The following LPP variants were observed in gnomAD, a reference collection of about 807,000 sequenced individuals.
LPP encodes LIM domain containing preferred translocation partner in lipoma, also known as lipoma-preferred partner.
In LPP, 38 loss-of-function variants were observed where a neutral mutation model predicts 60.4. That is an observed-to-expected ratio of 0.63 (90% confidence interval 0.49 to 0.83). LPP has a LOEUF of 0.83. LPP is among the 40% of genes least tolerant of loss of function. LPP has a pLI of 0.00. For synonymous variants in LPP, 328 were observed against 290.8 expected (o/e 1.13, Z -1.30); for missense variants, 902 against 783.6 (o/e 1.15, Z -1.80).
chr3:188,203,578 A>AT (rs1732188298), intron 1 of LPP, among the ~76,000 whole-genome samples: 1 of 96,204 alleles, frequency 1.0e-5, no homozygotes, highest in Non-Finnish European at 2.0e-5. Context: ...TATATATTTA[A>AT]ATATATATAT....
chr3:188,825,267 CTCTGTG>C lies in LPP; in HGVS notation c.1411-40931_1411-40926del, dbSNP rs1276427981. Among the ~76,000 whole-genome samples, 176 of 98,968 alleles carry C rather than the reference CTCTGTG, an allele frequency of 1.8e-3. 1 individual carries two copies. The highest frequency in any genetic ancestry group is 6.2e-3 in the South Asian group (12 of 1,936). The allele number at this position is 98,968 out of a possible 152,430, so 64.9% of individuals were successfully genotyped here. On this transcript the variant is annotated intron_variant, in intron 9 of 11. Coordinates refer to ENST00000617246, the MANE Select transcript of LPP (RefSeq NM_001375462.1). ...TTTCTTTCTCTCTCTCTCTCTCTCT[CTCTGTG>C]TGTGTGTGTGTGTGTGTGTGTGTGT...
intron 9 of LPP, among the ~76,000 whole-genome samples, chr3:188,811,351 TACACACACACACAC>T (rs58445393): frequency 1.4e-5 from 2 of 144,882 alleles, no homozygotes; most frequent in African/African-American, 2.5e-5. Flanking sequence ...AAGTGCTGTA[TACACACACACACAC>T]ACACACACAC....
chr3:188,449,872 T>A (rs2149339091), intron 4 of LPP, among the ~76,000 whole-genome samples: 1 of 152,310 alleles, frequency 6.6e-6, no homozygotes, highest in Non-Finnish European at 1.5e-5. Context: ...TGGCACAATC[T>A]CAGCTCACTG....
rs373672653 is a variant in LPP, at chr3:188,689,165, G to C, written c.1114-19102G>C. Among the ~76,000 whole-genome samples the C allele has an allele frequency of 9.8e-5, 15 of 152,298 alleles. 1 individual carries two copies. Among genetic ancestry groups the C allele is most frequent in the East Asian group, 3.9e-4 (2 of 5,176 alleles). On this transcript the variant is annotated intron_variant, in intron 7 of 11. Transcript: ENST00000617246. ...TGCAGCCTCAGTGTTGGGAGGATTT[G>C]AGCCTGGGGTCGGCCTGGCACCCAG... is the stretch of plus-strand genomic sequence containing the variant.
At chr3:188,672,005 T>C (rs957764110) in intron 7 of LPP, among the ~76,000 whole-genome samples, 2 of 152,234 alleles carry the variant, frequency 1.3e-5, no homozygotes, top group Admixed American at 1.3e-4. Flanking sequence ...AAAAGACATA[T>C]AGCAATCATT....
chr3:188,700,638 G>A lies in LPP; in HGVS notation c.1114-7629G>A, dbSNP rs540187852. Reference sequence around the variant, plus strand: ...ATTTCATGCCCCAAGTGTAGTGAAAGTTCAGTAGGCTGCAGAAACCCTGTG... The same window carrying A: ...ATTTCATGCCCCAAGTGTAGTGAAAATTCAGTAGGCTGCAGAAACCCTGTG... On this transcript the variant is annotated intron_variant, in intron 7 of 11. Transcript: ENST00000617246. Among the ~76,000 whole-genome samples the A allele has an allele frequency of 5.9e-5, 9 of 152,286 alleles. No individual in the cohort carries two copies. In the East Asian group the frequency reaches 1.7e-3, roughly 29 times the overall value.
chr3:188,267,303 C>A (rs759375894), intron 2 of LPP, among the ~76,000 whole-genome samples: 1 of 152,168 alleles, frequency 6.6e-6, no homozygotes, highest in Non-Finnish European at 1.5e-5. Flanking sequence ...TTGTTTCTTA[C>A]TAGCCCCTCA....
intron 7 of LPP, among the ~76,000 whole-genome samples, chr3:188,681,626 T>C (rs1859538266): frequency 1.3e-5 from 2 of 152,094 alleles, no homozygotes; most frequent in South Asian, 2.1e-4. Context: ...TCTCAAAGTA[T>C]GCTCTTAACT....
chr3:188,426,711 CTTCT>C (rs1450743628), intron 4 of LPP, among the ~76,000 whole-genome samples: 4 of 151,936 alleles, frequency 2.6e-5, no homozygotes, highest in African/African-American at 4.8e-5. Flanking sequence ...ATATAATGGC[CTTCT>C]TTGTCTTTTT....
Position 188,888,749 on chromosome 3 carries a change from T to G in LPP, c.*14270T>G. 1 of 220,818 alleles carries G rather than the reference T, an allele frequency of 4.5e-6. No individual in the cohort carries two copies. 13.7% of individuals were successfully genotyped at this position (220,818 alleles called of 1,614,324 possible). A position where few individuals can be genotyped will look rare whatever the true frequency, so the allele number is the denominator to read the frequency against. On this transcript the variant is annotated 3_prime_UTR_variant, in exon 12 of 12. Coordinates refer to ENST00000617246, the MANE Select transcript of LPP (RefSeq NM_001375462.1). ...GAGTAGGTGCTGAGATAAGGAAACT[T>G]TGCCAAATGAAAGAAAGTCACTCAC...
intron 2 of LPP, among the ~76,000 whole-genome samples, chr3:188,310,587 T>A (rs2150259490): frequency 6.6e-6 from 1 of 152,300 alleles, no homozygotes; most frequent in South Asian, 2.1e-4. Context: ...GTCAATAGAT[T>A]TGAGTTTTCA....
At chr3:188,823,808 C>A (rs535075462) in intron 9 of LPP, among the ~76,000 whole-genome samples, 30 of 152,116 alleles carry the variant, frequency 2.0e-4, no homozygotes, top group African/African-American at 6.5e-4. Context: ...AAAGTGTATA[C>A]GTTTCTTAAT....
At chr3:188,344,505 TTCA>T (rs1452853092) in intron 3 of LPP, among the ~76,000 whole-genome samples, 1 of 152,130 alleles carries the variant, frequency 6.6e-6, no homozygotes, top group Admixed American at 6.5e-5. Flanking sequence ...TGAGGTCTGT[TTCA>T]TCATCTAATG....
At chr3:188,215,959 A>G (rs967359835) in intron 1 of LPP, among the ~76,000 whole-genome samples, 1 of 152,180 alleles carries the variant, frequency 6.6e-6, no homozygotes, top group Non-Finnish European at 1.5e-5. Context: ...TTTCTTTTGT[A>G]TTGGGCTCTA....
At chr3:188,757,863 AT>A (rs1048726046) in intron 8 of LPP, among the ~76,000 whole-genome samples, 1 of 92,170 alleles carries the variant, frequency 1.1e-5, no homozygotes, top group Non-Finnish European at 2.4e-5. Flanking sequence ...AACATAGCAC[AT>A]TTTTTTTGTG....
chr3:188,631,043 T>C (rs1580532786), intron 7 of LPP, among the ~76,000 whole-genome samples: 1 of 151,834 alleles, frequency 6.6e-6, no homozygotes, highest in African/African-American at 2.4e-5. Context: ...AGGAGAAGGG[T>C]GAGGGTCGAA....
At chr3:188,595,916 G>A (rs933336664) in intron 6 of LPP, among the ~76,000 whole-genome samples, 1 of 152,136 alleles carries the variant, frequency 6.6e-6, no homozygotes, top group East Asian at 1.9e-4. Context: ...AAAGACAGGC[G>A]TGAGAGAGAG....
At position 188,883,112 on chromosome 3, in the gene LPP, T is replaced by G. The variant is rs149354629; in HGVS notation, c.*8633T>G. On this transcript the variant is annotated 3_prime_UTR_variant, in exon 12 of 12. Coordinates refer to ENST00000617246, the MANE Select transcript of LPP (RefSeq NM_001375462.1). ...CACGACTTTAAAACAGAGCCAGCCT[T>G]TGGGGCATATGTTCTCTTTGGTGCC... 361 of 216,908 alleles carry G rather than the reference T, an allele frequency of 1.7e-3. 2 individuals carry two copies. The highest frequency in any genetic ancestry group is 0.012 in the Middle Eastern group (8 of 690). The allele number at this position is 216,908 out of a possible 1,614,324, so 13.4% of individuals were successfully genotyped here.
intron 6 of LPP, among the ~76,000 whole-genome samples, chr3:188,536,579 G>A (rs115718083): frequency 1.5e-3 from 222 of 152,006 alleles, no homozygotes; most frequent in African/African-American, 5.1e-3. Flanking sequence ...TCTAAACTTC[G>A]GACAATTTTA....
Sources: gnomAD v4.1 joint callset for allele counts (sites outside exome capture counted in the v4.1 genomes callset) on GRCh38, gnomAD v4.1.1 for gene constraint, MANE v1.5 for transcripts, NCBI Gene and HGNC (gene_info 2026-07-23, HGNC 2026-07-21) for gene names.